BCAR3: variants seen among roughly 807,000 people sequenced by gnomAD.
The protein encoded by BCAR3 is BCAR3 adaptor protein, NSP family member.
Under a neutral mutation model 80.1 loss-of-function variants are expected in BCAR3, and 37 were observed. That is an observed-to-expected ratio of 0.46 (90% CI 0.36 to 0.61). BCAR3 has a LOEUF of 0.61. Ranked by LOEUF, BCAR3 falls within the 20% of genes least tolerant of loss-of-function variation. The pLI is 0.00. For synonymous variants in BCAR3, 389 were observed against 418.9 expected, an observed-to-expected ratio of 0.93 and a Z score of 0.87; for missense variants, 978 against 1,068.2, an observed-to-expected ratio of 0.92 and a Z score of 1.18.
chr1:93,768,546 T>A (rs1367286686), intron 2 of BCAR3, among the ~76,000 whole-genome samples: 1 of 151,994 alleles, frequency 6.6e-6, no homozygotes, highest in African/African-American at 2.4e-5. Flanking sequence ...ATGTGCTGAA[T>A]CTTGGTAACT....
intron 3 of BCAR3, among the ~76,000 whole-genome samples, chr1:93,619,181 C>T (rs987266221): frequency 9.3e-5 from 14 of 150,610 alleles, no homozygotes; most frequent in African/African-American, 2.4e-4. Flanking sequence ...CTCCTGACCT[C>T]GTGATCCGCC....
intron 2 of BCAR3, among the ~76,000 whole-genome samples, chr1:93,801,745 A>C (rs1653487082): frequency 6.6e-6 from 1 of 152,212 alleles, no homozygotes; most frequent in Non-Finnish European, 1.5e-5. Context: ...GAATCATTTG[A>C]GGCCAAGAGT....
At chr1:93,765,114 C>T (rs1410149644) in intron 2 of BCAR3, among the ~76,000 whole-genome samples, 2 of 152,206 alleles carry the variant, frequency 1.3e-5, no homozygotes, top group South Asian at 4.1e-4. Context: ...TAGCTCATAG[C>T]TAGGACCCTG....
chr1:93,698,285 G>GGGAGCCTATTTCTAATCTGCAA (rs1431571995), intron 3 of BCAR3, among the ~76,000 whole-genome samples: 1 of 152,216 alleles, frequency 6.6e-6, no homozygotes, highest in Non-Finnish European at 1.5e-5. Context: ...CTGGGGAAAG[G>GGGAGCCTATTTCTAATCTGCAA]GGAGCCTATT....
At chr1:93,832,806 C>T (rs1392007095) in intron 2 of BCAR3, among the ~76,000 whole-genome samples, 4 of 152,134 alleles carry the variant, frequency 2.6e-5, no homozygotes, top group Non-Finnish European at 4.4e-5. Flanking sequence ...CTGCCCAGCT[C>T]GCTTATTAGG....
chr1:93,745,117 T>C (rs1003358331), intron 2 of BCAR3, among the ~76,000 whole-genome samples: 1 of 152,210 alleles, frequency 6.6e-6, no homozygotes, highest in African/African-American at 2.4e-5. Flanking sequence ...ACAGACTCTT[T>C]CAAAGAGTCA....
At chr1:93,676,575 C>A (rs963180227) in intron 1 of BCAR3, among the ~76,000 whole-genome samples, 4 of 152,190 alleles carry the variant, frequency 2.6e-5, no homozygotes, top group African/African-American at 9.6e-5. Context: ...CCTGTGCAGC[C>A]CCTCCCAGCT....
At chr1:93,694,913 CA>C (rs1238604100) in intron 3 of BCAR3, among the ~76,000 whole-genome samples, 2 of 152,190 alleles carry the variant, frequency 1.3e-5, no homozygotes, top group Non-Finnish European at 2.9e-5. Flanking sequence ...AATGACCTCC[CA>C]ACTCTGATCA....
chr1:93,784,006 C>G (rs1398066088), intron 2 of BCAR3, among the ~76,000 whole-genome samples: 1 of 152,128 alleles, frequency 6.6e-6, no homozygotes, highest in Non-Finnish European at 1.5e-5. Context: ...GTGAGGAAGT[C>G]CAGGCCTAAT....
intron 2 of BCAR3, among the ~76,000 whole-genome samples, chr1:93,755,556 C>T (rs1309754970): frequency 1.3e-5 from 2 of 152,148 alleles, no homozygotes; most frequent in Admixed American, 6.5e-5. Context: ...CAGTAACATG[C>T]TGTAAAGGTT....
chr1:93,758,367 A>C (rs1651818198), intron 2 of BCAR3, among the ~76,000 whole-genome samples: 2 of 152,232 alleles, frequency 1.3e-5, no homozygotes, highest in South Asian at 4.1e-4. Flanking sequence ...GAAAAGAACA[A>C]GTGTCAGCTG....
intron 3 of BCAR3, among the ~76,000 whole-genome samples, chr1:93,634,861 A>G (rs577179549): frequency 3.3e-5 from 5 of 152,296 alleles, no homozygotes; most frequent in African/African-American, 1.2e-4. Context: ...TTTCTTTTGT[A>G]AATTGCCCAG....
intron 2 of BCAR3, among the ~76,000 whole-genome samples, chr1:93,805,184 C>T (rs1571140258): frequency 6.6e-6 from 1 of 152,248 alleles, no homozygotes; most frequent in African/African-American, 2.4e-5. Flanking sequence ...ATGTCATAAG[C>T]CTACAATAAA....
chr1:93,815,861 G>GGAGGTTAGAAGAATGCTGCC (rs1553174153), intron 2 of BCAR3, among the ~76,000 whole-genome samples: 1 of 152,180 alleles, frequency 6.6e-6, no homozygotes, highest in Non-Finnish European at 1.5e-5. Flanking sequence ...TCACTGATTA[G>GGAGGTTAGAAGAATGCTGCC]GAGGTTAGAA....
intron 2 of BCAR3, among the ~76,000 whole-genome samples, chr1:93,740,059 A>G (rs1322197435): frequency 2.0e-5 from 3 of 151,920 alleles, no homozygotes; most frequent in Admixed American, 2.0e-4. Context: ...AGAAAGAAAG[A>G]AAAAGAAAAG....
At chr1:93,723,354 C>T (rs1053616083) in intron 2 of BCAR3, 19 of 152,400 alleles carry the variant, frequency 1.2e-4, no homozygotes, top group Non-Finnish European at 2.5e-4. Flanking sequence ...GGCGTGGACA[C>T]CCAGCATTCA....
At chr1:93,779,632 G>T (rs1652697201) in intron 2 of BCAR3, among the ~76,000 whole-genome samples, 1 of 152,166 alleles carries the variant, frequency 6.6e-6, no homozygotes, top group South Asian at 2.1e-4. Context: ...TAGTCATGTT[G>T]ACAGAATGTC....
At chr1:93,644,768 C>T (rs974733490) in intron 2 of BCAR3, among the ~76,000 whole-genome samples, 1 of 152,176 alleles carries the variant, frequency 6.6e-6, no homozygotes, top group Non-Finnish European at 1.5e-5. Context: ...CCAGCCAGGG[C>T]CCATTGAAGC....
Position 93,562,064 on chromosome 1 carries a change from T to C in BCAR3, c.*177A>G, listed in dbSNP as rs1464837048. 4 of 523,346 alleles carry C rather than the reference T, an allele frequency of 7.6e-6. No individual in the cohort carries two copies. The highest frequency in any genetic ancestry group is 1.2e-5 in the Non-Finnish European group (4 of 323,956). 32.4% of individuals were successfully genotyped at this position (523,346 alleles called of 1,614,324 possible). A position where few individuals can be genotyped will look rare whatever the true frequency, so the allele number is the denominator to read the frequency against. Reference sequence around the variant, plus strand: ...TTCATTTTAAAATCAGTAGTAACTTTAGACAATTCATAAATAAGTGTGCTC... The same window carrying C: ...TTCATTTTAAAATCAGTAGTAACTTCAGACAATTCATAAATAAGTGTGCTC... On this transcript the variant is annotated 3_prime_UTR_variant, in exon 12 of 12. Coordinates refer to ENST00000260502, the MANE Select transcript of BCAR3 (RefSeq NM_003567.4).
Sources: gnomAD v4.1 joint callset for allele counts (sites outside exome capture counted in the v4.1 genomes callset) on GRCh38, gnomAD v4.1.1 for gene constraint, MANE v1.5 for transcripts, NCBI Gene and HGNC (gene_info 2026-07-23, HGNC 2026-07-21) for gene names.